The following LRRC37A2 variants were observed in gnomAD, a reference collection of about 807,000 sequenced individuals.
LRRC37A2 encodes the protein leucine-rich repeat-containing protein 37A2.
Under a neutral mutation model 68.8 loss-of-function variants are expected in LRRC37A2, and 9 were observed. The observed-to-expected ratio is 0.13, with a 90% confidence interval of 0.08 to 0.23. LRRC37A2 has a LOEUF of 0.23. Ranked by LOEUF, LRRC37A2 falls within the 10% of genes least tolerant of loss-of-function variation. The probability of loss-of-function intolerance (pLI) is 1.00; values close to 1 mark genes in which losing one functional copy is unlikely to be tolerated. For missense variants in LRRC37A2, 168 were observed against 950.4 expected, an observed-to-expected ratio of 0.18 and a Z score of 10.82; for synonymous variants, 63 against 367.6, an observed-to-expected ratio of 0.17 and a Z score of 9.48.
At chr17:46,905,934 G>A in the LRRC37A2 span, among the ~76,000 whole-genome samples, 2 of 152,178 alleles carry the variant, frequency 1.3e-5, no homozygotes, top group Non-Finnish European at 1.5e-5. Flanking sequence ...CCAGCAATGA[G>A]GGAGTGGCCA....
chr17:46,932,213 G>T, the LRRC37A2 span: 3 of 1,613,934 alleles, frequency 1.9e-6, no homozygotes, highest in Non-Finnish European at 2.5e-6. Context: ...AGCCAGGCCC[G>T]TGGTGAGGGT....
chr17:46,768,807 A>G, the LRRC37A2 span: 3 of 1,611,926 alleles, frequency 1.9e-6, no homozygotes, highest in Non-Finnish European at 2.5e-6. The surrounding 1 kb of genome is among the most constrained non-coding windows in gnomAD (Gnocchi z 5.0). Context: ...AGTCTGGGGG[A>G]GAGAAGTGGC....
chr17:46,927,219 A>G, the LRRC37A2 span, among the ~76,000 whole-genome samples: 4 of 152,200 alleles, frequency 2.6e-5, no homozygotes, highest in African/African-American at 9.6e-5. Flanking sequence ...CATTTAAAAA[A>G]AATGCCTTGT....
chr17:46,551,403 C>T lies in LRRC37A2; in HGVS notation c.4809+884C>T, dbSNP rs1598546655. On this transcript the variant is annotated intron_variant, in intron 11 of 14. Coordinates refer to ENST00000576629, the Ensembl canonical transcript of LRRC37A2. ...GTCCAACCTTACTTGCCTCATTTAC[C>T]ATTTCCATTATTGTGGCAGCCCTCC... Among the ~76,000 whole-genome samples, 9 of 150,404 alleles carry T rather than the reference C, an allele frequency of 6.0e-5. No individual in the cohort carries two copies. The South Asian group carries it at 1.7e-3, about 28-fold the overall frequency.
chr17:46,873,763 T>C, the LRRC37A2 span, among the ~76,000 whole-genome samples: 2 of 150,570 alleles, frequency 1.3e-5, no homozygotes, highest in African/African-American at 5.0e-5. Context: ...ATCCCAGCAC[T>C]TTGAGAGGCC....
the LRRC37A2 span, among the ~76,000 whole-genome samples, chr17:46,840,223 A>G: frequency 6.6e-6 from 1 of 151,796 alleles, no homozygotes; most frequent in Non-Finnish European, 1.5e-5. Flanking sequence ...AGTAGCTGGT[A>G]CTACAGGTGC....
At chr17:46,823,154 A>T in the LRRC37A2 span, among the ~76,000 whole-genome samples, 1 of 100,512 alleles carries the variant, frequency 9.9e-6, no homozygotes, top group Non-Finnish European at 1.9e-5. Flanking sequence ...ATATATATTT[A>T]TATATTATAT....
the LRRC37A2 span, among the ~76,000 whole-genome samples, chr17:46,997,266 C>T: frequency 2.0e-5 from 3 of 152,138 alleles, no homozygotes; most frequent in Non-Finnish European, 2.9e-5. Flanking sequence ...GCACGAGAAT[C>T]GCTTGAACCC....
chr17:46,962,873 C>T, the LRRC37A2 span, among the ~76,000 whole-genome samples: 10 of 152,332 alleles, frequency 6.6e-5, no homozygotes, highest in East Asian at 1.9e-3. Flanking sequence ...CCAAAAGAAT[C>T]TCTTTCAGTG....
chr17:47,035,172 C>T, the LRRC37A2 span: 1 of 152,208 alleles, frequency 6.6e-6, no homozygotes, highest in Non-Finnish European at 1.5e-5. Context: ...AGACTTGATC[C>T]ACATACCATC....
intron 8 of LRRC37A2, among the ~76,000 whole-genome samples, chr17:46,542,696 A>G (rs1357920243): frequency 6.7e-6 from 1 of 150,016 alleles, no homozygotes; most frequent in Non-Finnish European, 1.5e-5. Flanking sequence ...CCCTGTCTAA[A>G]ATATATATAT....
the LRRC37A2 span, chr17:46,851,645 C>G: frequency 9.4e-6 from 12 of 1,280,030 alleles, no homozygotes; most frequent in South Asian, 2.9e-4. This position sits in a 1 kb window ranked among gnomAD's most constrained non-coding sequence, Gnocchi z 4.3. Context: ...CACCATGCGC[C>G]CCCCGCCCGC....
the LRRC37A2 span, among the ~76,000 whole-genome samples, chr17:46,785,176 C>A: frequency 6.6e-6 from 1 of 152,220 alleles, no homozygotes; most frequent in Non-Finnish European, 1.5e-5. Flanking sequence ...CCTCCCAGCC[C>A]TAACCATGCT....
At chr17:46,493,926 T>C in the LRRC37A2 span, among the ~76,000 whole-genome samples, 2 of 151,088 alleles carry the variant, frequency 1.3e-5, no homozygotes, top group African/African-American at 2.5e-5. Flanking sequence ...GTCATTCCCC[T>C]CGACTCCAGG....
chr17:46,804,426 A>G, the LRRC37A2 span, among the ~76,000 whole-genome samples: 5 of 152,156 alleles, frequency 3.3e-5, no homozygotes, highest in Non-Finnish European at 7.4e-5. Context: ...GTTTTCCGTC[A>G]TAAGCCTCTT....
the LRRC37A2 span, among the ~76,000 whole-genome samples, chr17:46,976,330 C>T: frequency 6.6e-6 from 1 of 150,858 alleles, no homozygotes; most frequent in South Asian, 2.1e-4. Context: ...GTCAGGAGTT[C>T]GACACCAGCC....
the LRRC37A2 span, among the ~76,000 whole-genome samples, chr17:46,958,019 G>A: frequency 2.0e-5 from 3 of 152,188 alleles, no homozygotes; most frequent in Non-Finnish European, 4.4e-5. Flanking sequence ...GGGGCTTATG[G>A]CTGCTGCTTT....
chr17:46,978,967 A>C, the LRRC37A2 span: 2 of 1,449,930 alleles, frequency 1.4e-6, no homozygotes, highest in South Asian at 1.4e-5. Context: ...CACGCCGTCC[A>C]CCTCCTCCAA....
chr17:46,389,294 A>G, the LRRC37A2 span, among the ~76,000 whole-genome samples: 2 of 140,774 alleles, frequency 1.4e-5, no homozygotes, highest in African/African-American at 5.3e-5. Flanking sequence ...ATACATATGA[A>G]TGTAGAAAGA....
Sources: gnomAD v4.1 joint callset for allele counts (sites outside exome capture counted in the v4.1 genomes callset) on GRCh38, gnomAD v4.1.1 for gene constraint, Gnocchi (gnomAD v3.1) non-coding constraint, MANE v1.5 for transcripts, NCBI Gene and HGNC (gene_info 2026-07-23, HGNC 2026-07-21) for gene names.